CCBE1: variants seen among roughly 807,000 people sequenced by gnomAD.
The protein encoded by CCBE1 is collagen and calcium binding EGF domains 1, also known as collagen and calcium-binding EGF domain-containing protein 1.
CCBE1 carries 37 observed loss-of-function variants against 50.0 expected under a neutral mutation model. The ratio of observed to expected loss-of-function variants is 0.74; its 90% CI spans 0.57 to 0.97. CCBE1 has a LOEUF of 0.97. Among genes scored for constraint, CCBE1 ranks in the 50% least tolerant of loss-of-function variants. CCBE1 has a pLI of 0.00. For missense variants in CCBE1, 538 were observed against 523.8 expected (o/e 1.03, Z -0.26); for synonymous variants, 234 against 203.7 (o/e 1.15, Z -1.27).
intron 2 of CCBE1, among the ~76,000 whole-genome samples, chr18:59,516,187 G>T (rs1238803086): frequency 6.6e-6 from 1 of 151,870 alleles, no homozygotes; most frequent in African/African-American, 2.4e-5. Flanking sequence ...TCAAACTCCT[G>T]ACCTCAAGTG....
chr18:59,609,002 C>A (rs1362905659), intron 2 of CCBE1, among the ~76,000 whole-genome samples: 1 of 152,206 alleles, frequency 6.6e-6, no homozygotes, highest in African/African-American at 2.4e-5. Flanking sequence ...TGATGGGAAA[C>A]CCAACAGACT....
chr18:59,525,648 TG>T (rs1257511686), intron 2 of CCBE1, among the ~76,000 whole-genome samples: 1 of 152,246 alleles, frequency 6.6e-6, no homozygotes, highest in Admixed American at 6.5e-5. Context: ...TTGACATTTT[TG>T]TCATGAAATA....
chr18:59,575,304 T>A (rs1185429275), intron 2 of CCBE1, among the ~76,000 whole-genome samples: 2 of 152,006 alleles, frequency 1.3e-5, no homozygotes, highest in African/African-American at 4.8e-5. Context: ...ACAGAATTCA[T>A]GGGAAACAGG....
chr18:59,666,767 C>G (rs1044166808), intron 2 of CCBE1, among the ~76,000 whole-genome samples: 8 of 152,036 alleles, frequency 5.3e-5, no homozygotes, highest in African/African-American at 1.9e-4. Flanking sequence ...GGGATCAAGA[C>G]CATCCTGGCT....
intron 2 of CCBE1, among the ~76,000 whole-genome samples, chr18:59,653,432 A>G (rs1026554329): frequency 6.6e-6 from 1 of 152,222 alleles, no homozygotes; most frequent in Non-Finnish European, 1.5e-5. Flanking sequence ...CTCATCACTC[A>G]CTAGACAAAA....
rs1014766178 is a variant in CCBE1, at chr18:59,683,685, G to A, written c.212+12944C>T. On this transcript the variant is annotated intron_variant, in intron 2 of 10. Coordinates refer to ENST00000439986, the MANE Select transcript of CCBE1 (RefSeq NM_133459.4). ...TGTACTCCAGCCTGGGTGACAGAGT[G>A]AGACTCCATCTCAAAAAAAGAGAGG... Among the ~76,000 whole-genome samples the A allele has an allele frequency of 2.0e-5, 3 of 147,350 alleles. No individual in the cohort carries two copies. In the East Asian group the frequency reaches 6.0e-4, roughly 29 times the overall value.
chr18:59,670,422 A>G (rs1201372903), intron 2 of CCBE1, among the ~76,000 whole-genome samples: 1 of 152,200 alleles, frequency 6.6e-6, no homozygotes, highest in Non-Finnish European at 1.5e-5. Context: ...GCTTAGGATC[A>G]ACAGGATGTT....
At chr18:59,463,104 A>G (rs1251897391) in intron 5 of CCBE1, among the ~76,000 whole-genome samples, 2 of 152,218 alleles carry the variant, frequency 1.3e-5, no homozygotes, top group African/African-American at 4.8e-5. Context: ...AGGGAAGGAA[A>G]GAGGTGCATG....
intron 2 of CCBE1, among the ~76,000 whole-genome samples, chr18:59,611,121 A>C (rs938578422): frequency 6.6e-6 from 1 of 152,224 alleles, no homozygotes; most frequent in Non-Finnish European, 1.5e-5. Context: ...GGTTCTGAGA[A>C]GAGATCTCAC....
At position 59,432,108 on chromosome 18, in the gene CCBE1, C is replaced by T. The variant is rs1296262836; in HGVS notation, c.*3800G>A. On this transcript the variant is annotated 3_prime_UTR_variant, in exon 11 of 11. Coordinates refer to ENST00000439986, the MANE Select transcript of CCBE1 (RefSeq NM_133459.4). ...AGCTGAGACTACAGGCGTGCACCAC[C>T]ACGCCTGGCTAATTTTTTTTTTTAT... The T allele has an allele frequency of 2.0e-5, 3 of 152,146 alleles. No homozygotes were observed. Among genetic ancestry groups the T allele is most frequent in the Non-Finnish European group, 4.4e-5 (3 of 68,026 alleles). The allele number at this position is 152,146 out of a possible 1,614,324, so 9.4% of individuals were successfully genotyped here.
At chr18:59,692,693 T>TG (rs1178818078) in intron 2 of CCBE1, among the ~76,000 whole-genome samples, 3 of 152,198 alleles carry the variant, frequency 2.0e-5, no homozygotes, top group Non-Finnish European at 2.9e-5. Context: ...GCAACACAGT[T>TG]GTATTATCTC....
At chr18:59,555,837 C>T (rs1231886344) in intron 2 of CCBE1, among the ~76,000 whole-genome samples, 1 of 152,222 alleles carries the variant, frequency 6.6e-6, no homozygotes, top group Non-Finnish European at 1.5e-5. Flanking sequence ...GTTACAGTCA[C>T]AGTTGAAACA....
intron 7 of CCBE1, among the ~76,000 whole-genome samples, chr18:59,443,645 T>C (rs1019568823): frequency 1.3e-5 from 2 of 152,040 alleles, no homozygotes; most frequent in Non-Finnish European, 2.9e-5. Context: ...TTTTTTGTAT[T>C]TTCAGTAGAG....
chr18:59,484,823 CCATCAAT>C (rs1187617607), intron 2 of CCBE1, among the ~76,000 whole-genome samples: 1 of 152,082 alleles, frequency 6.6e-6, no homozygotes, highest in African/African-American at 2.4e-5. Context: ...TGTGAAACAC[CCATCAAT>C]CATAAATCAC....
At chr18:59,488,859 G>A (rs1264932171) in intron 2 of CCBE1, among the ~76,000 whole-genome samples, 1 of 152,186 alleles carries the variant, frequency 6.6e-6, no homozygotes, top group East Asian at 1.9e-4. Flanking sequence ...GACATCTGCT[G>A]TTTTTCCTGT....
chr18:59,689,832 C>T (rs1181605153), intron 2 of CCBE1, among the ~76,000 whole-genome samples: 1 of 152,174 alleles, frequency 6.6e-6, no homozygotes, highest in Non-Finnish European at 1.5e-5. Context: ...TTGGAAGAAA[C>T]TTGCGGTACA....
At chr18:59,466,459 T>C (rs992996906) in intron 5 of CCBE1, among the ~76,000 whole-genome samples, 2 of 152,098 alleles carry the variant, frequency 1.3e-5, no homozygotes, top group African/African-American at 4.8e-5. Context: ...TCTTTTTCTT[T>C]ATAAATTACC....
rs117099047 is a variant in CCBE1 at position 59,589,975 on chromosome 18, G to A, written c.212+106654C>T. ...CTAAGAAAAAGCTTCTGACAATTCA[G>A]CACCCATTCTTGATTAAAAGACACA... is the stretch of plus-strand genomic sequence containing the variant. On this transcript the variant is annotated intron_variant, in intron 2 of 10. Coordinates refer to ENST00000439986, the MANE Select transcript of CCBE1 (RefSeq NM_133459.4). 2.1e-3 allele frequency among the ~76,000 whole-genome samples: 312 copies of A among 152,084 alleles called. 3 individuals are homozygous for A. The East Asian group carries it at 0.032, about 15-fold the overall frequency.
At chr18:59,611,925 G>T (rs972565377) in intron 2 of CCBE1, among the ~76,000 whole-genome samples, 17 of 152,144 alleles carry the variant, frequency 1.1e-4, no homozygotes, top group African/African-American at 3.9e-4. Flanking sequence ...TAAGAGCAGG[G>T]TAAAGTCTAC....
Sources: gnomAD v4.1 joint callset for allele counts (sites outside exome capture counted in the v4.1 genomes callset) on GRCh38, gnomAD v4.1.1 for gene constraint, MANE v1.5 for transcripts, NCBI Gene and HGNC (gene_info 2026-07-23, HGNC 2026-07-21) for gene names.